The following SCTR variants were observed in gnomAD, a reference collection of about 807,000 sequenced individuals.
SCTR encodes the protein pancreatic secretin receptor.
A neutral mutation model predicts 60.8 loss-of-function variants in SCTR; 56 were observed. The observed-to-expected ratio is 0.92, with a 90% CI of 0.74 to 1.15. The LOEUF is 1.15. Among genes scored for constraint, SCTR ranks in the 50% most tolerant of loss-of-function variants. The probability of loss-of-function intolerance (pLI) is 0.00; values close to 1 mark genes in which losing one functional copy is unlikely to be tolerated. For synonymous variants in SCTR, 202 were observed against 217.0 expected (o/e 0.93, Z 0.61); for missense variants, 562 against 550.4 (o/e 1.02, Z -0.21).
chr2:119,471,829 AC>A lies in SCTR; in HGVS notation c.405+1623del, dbSNP rs537075281. Among the ~76,000 whole-genome samples the A allele has an allele frequency of 2.7e-3, 413 of 152,162 alleles. 2 individuals carry two copies. Among genetic ancestry groups the A allele is most frequent in the Middle Eastern group, 0.01 (3 of 294 alleles). On this transcript the variant is annotated intron_variant, in intron 4 of 12. Coordinates refer to ENST00000019103, the MANE Select transcript of SCTR (RefSeq NM_002980.3). ...TGGAGCTAGGCTTGGTTTAAATCCT[AC>A]CTCCACTACTTTACAAGCATGTTCC...
intron 1 of SCTR, among the ~76,000 whole-genome samples, chr2:119,504,325 G>A (rs532967490): frequency 6.6e-6 from 1 of 152,258 alleles, no homozygotes; most frequent in East Asian, 1.9e-4. Flanking sequence ...AGCTGCAGTG[G>A]TGCATGCCTG....
chr2:119,482,824 G>A (rs1220747652), intron 2 of SCTR, among the ~76,000 whole-genome samples: 4 of 152,106 alleles, frequency 2.6e-5, no homozygotes, highest in African/African-American at 7.2e-5. Flanking sequence ...TGCTGACCTA[G>A]CCTGGCACCT....
At chr2:119,464,378 C>T in intron 5 of SCTR, 123 bp from the exon 6 acceptor site, 1 of 912,586 alleles carries the variant, frequency 1.1e-6, no homozygotes, top group South Asian at 1.5e-5. Context: ...TTCCGGGTAA[C>T]ACATTCTGTG....
chr2:119,492,850 AT>A (rs1335809767), intron 2 of SCTR, among the ~76,000 whole-genome samples: 4 of 149,028 alleles, frequency 2.7e-5, no homozygotes, highest in African/African-American at 9.9e-5. Flanking sequence ...TTATTTATTT[AT>A]TTATTTATTT....
chr2:119,502,721 G>T (rs1678591750), intron 1 of SCTR, among the ~76,000 whole-genome samples: 1 of 151,890 alleles, frequency 6.6e-6, no homozygotes, highest in African/African-American at 2.4e-5. Flanking sequence ...GCTGGGCACT[G>T]TGGCTCACAC....
chr2:119,499,811 C>T (rs796782659), intron 1 of SCTR, among the ~76,000 whole-genome samples: 5 of 152,184 alleles, frequency 3.3e-5, no homozygotes, highest in African/African-American at 1.2e-4. Flanking sequence ...AAAAAACCTA[C>T]AGCTAAAACC....
At position 119,521,242 on chromosome 2, in the gene SCTR, C is replaced by T. The variant is rs566263682; in HGVS notation, c.72+2913G>A. ...CCTTGAGTGACTCTTTCTCTACAGC[C>T]TGACACATTTCTGTACAATTTAGCA... On this transcript the variant is annotated intron_variant, in intron 1 of 12. Coordinates refer to ENST00000019103, the MANE Select transcript of SCTR (RefSeq NM_002980.3). Among the ~76,000 whole-genome samples, 24 of 152,332 alleles carry T rather than the reference C, an allele frequency of 1.6e-4. 1 individual carries two copies. Among genetic ancestry groups the T allele is most frequent in the African/African-American group, 5.5e-4 (23 of 41,576 alleles).
At chr2:119,473,853 G>T (rs1022746080) in intron 3 of SCTR, among the ~76,000 whole-genome samples, 11 of 152,078 alleles carry the variant, frequency 7.2e-5, no homozygotes, top group African/African-American at 2.4e-4. Context: ...TTAACAGGTG[G>T]GTACCCCGGA....
chr2:119,464,016 C>A (rs147870699), intron 6 of SCTR, 107 bp downstream of exon 6: 9 of 1,235,954 alleles, frequency 7.3e-6, no homozygotes, highest in Middle Eastern at 2.0e-4. Context: ...TAAGTGCAGC[C>A]TCAGCAGGGG....
chr2:119,441,500 C>G, intron 12 of SCTR, 58 bp downstream of exon 12: 3 of 1,431,204 alleles, frequency 2.1e-6, no homozygotes, highest in Non-Finnish European at 2.9e-6. Context: ...CTCCTTCTGA[C>G]CCGGAAACCA....
intron 1 of SCTR, among the ~76,000 whole-genome samples, chr2:119,501,820 C>G (rs1678562452): frequency 6.6e-6 from 1 of 151,984 alleles, no homozygotes; most frequent in African/African-American, 2.4e-5. Flanking sequence ...ACATGACTGT[C>G]TACATAGAAA....
chr2:119,478,828 A>G lies in SCTR; in HGVS notation c.284T>C (p.Met95Thr), dbSNP rs1264580434. ...VEVECPRFLR[M>T]LTSRNGSLFR... ...GTGGTTACCATTTCTGCTGGTGAGC[A>G]TCCGGAGGAATCTCGGGCATTCCAC... Residue 95 changes from methionine (M) to threonine (T), a missense_variant, in exon 3 of 13, where the codon ATG (methionine) becomes ACG (threonine). Met to Thr is a moderately conservative substitution (Grantham distance 81). Transcript: ENST00000019103. 2 of 1,614,170 alleles carry G rather than the reference A, an allele frequency of 1.2e-6. No homozygotes were observed. The highest frequency in any genetic ancestry group is 3.3e-5 in the Admixed American group (2 of 60,024).
chr2:119,519,828 GAAA>G (rs1200116142), intron 1 of SCTR, among the ~76,000 whole-genome samples: 92 of 55,886 alleles, frequency 1.6e-3, no homozygotes, highest in East Asian at 3.7e-3. Flanking sequence ...AAAAAAAAAA[GAAA>G]AAAAGAAAAG....
chr2:119,455,273 TG>T (rs1391062572), intron 7 of SCTR, among the ~76,000 whole-genome samples: 3 of 152,332 alleles, frequency 2.0e-5, no homozygotes, highest in African/African-American at 7.2e-5. Context: ...TAGATAGCCA[TG>T]GGGGGACCCC....
At chr2:119,465,569 C>T (rs973462791) in intron 5 of SCTR, among the ~76,000 whole-genome samples, 2 of 152,098 alleles carry the variant, frequency 1.3e-5, no homozygotes, top group South Asian at 2.1e-4. Context: ...ATAAAGCGAC[C>T]GGCCGCAAGT....
intron 1 of SCTR, among the ~76,000 whole-genome samples, chr2:119,519,111 G>A (rs1233800430): frequency 2.0e-5 from 3 of 152,084 alleles, no homozygotes; most frequent in Admixed American, 6.5e-5. Flanking sequence ...GAGATTACAG[G>A]CCACCACGCC....
At chr2:119,518,287 G>T (rs948797595) in intron 1 of SCTR, among the ~76,000 whole-genome samples, 4 of 151,698 alleles carry the variant, frequency 2.6e-5, no homozygotes, top group East Asian at 3.9e-4. Context: ...GCAAGATGTT[G>T]GTTAGAAGTT....
intron 2 of SCTR, among the ~76,000 whole-genome samples, chr2:119,490,028 A>G (rs1159978653): frequency 2.0e-5 from 3 of 152,292 alleles, no homozygotes; most frequent in Non-Finnish European, 4.4e-5. Context: ...GGTGGGGGAC[A>G]CCCACAATTT....
At chr2:119,455,653 G>A (rs1414809673) in intron 7 of SCTR, among the ~76,000 whole-genome samples, 2 of 152,154 alleles carry the variant, frequency 1.3e-5, no homozygotes, top group Non-Finnish European at 2.9e-5. Context: ...GGAAGATAAA[G>A]ACTAGGAATC....
Sources: gnomAD v4.1 joint callset for allele counts (sites outside exome capture counted in the v4.1 genomes callset) on GRCh38, gnomAD v4.1.1 for gene constraint, MANE v1.5 for transcripts, NCBI Gene and HGNC (gene_info 2026-07-23, HGNC 2026-07-21) for gene names.